Variants in PHYKPL observed in about 807,000 individuals in gnomAD.
PHYKPL encodes the protein 5-phosphohydroxy-L-lysine phospho-lyase.
In PHYKPL, 42 loss-of-function variants were observed where a neutral mutation model predicts 51.3. The ratio of observed to expected loss-of-function variants is 0.82; its 90% CI spans 0.64 to 1.06. The LOEUF is 1.06. Ranked by LOEUF, PHYKPL falls within the 50% of genes least tolerant of loss-of-function variation. PHYKPL has a pLI of 0.00. For missense variants in PHYKPL, 655 were observed against 586.6 expected (o/e 1.12, Z -1.20); for synonymous variants, 264 against 236.0 (o/e 1.12, Z -1.09).
rs1475169823 is a variant in PHYKPL at position 178,214,897 on chromosome 5, G to C, written c.1083-12C>G. Reference sequence around the variant, plus strand: ...AGAGCCCAACACCCCTGCAAGGGAAGGTGACGACATCTCAGGAGGCCAGGC... The same window carrying C: ...AGAGCCCAACACCCCTGCAAGGGAACGTGACGACATCTCAGGAGGCCAGGC... On this transcript the variant is annotated splice_polypyrimidine_tract_variant and intron_variant, in intron 9 of 12. Coordinates refer to ENST00000308158, the MANE Select transcript of PHYKPL (RefSeq NM_153373.4). The C allele has an allele frequency of 6.2e-7, 1 of 1,612,666 alleles. No homozygotes were observed. The highest frequency in any genetic ancestry group is 8.5e-7 in the Non-Finnish European group (1 of 1,179,726).
At chr5:178,228,860 C>G (rs1414731567) in intron 3 of PHYKPL, among the ~76,000 whole-genome samples, 1 of 152,186 alleles carries the variant, frequency 6.6e-6, no homozygotes, top group Non-Finnish European at 1.5e-5. Flanking sequence ...GACATCGTTT[C>G]CTGATTAAAG....
At chr5:178,208,104 G>T (rs1332013654), downstream of PHYKPL, among the ~76,000 whole-genome samples, 1 of 152,210 alleles carries the variant, frequency 6.6e-6, no homozygotes, top group African/African-American at 2.4e-5. Flanking sequence ...GTGCAGGGAG[G>T]TGTAGCTCTT....
chr5:178,211,611 T>C (rs1243423233), intron 12 of PHYKPL: 7 of 364,732 alleles, frequency 1.9e-5, no homozygotes, highest in Non-Finnish European at 3.5e-5. Context: ...GTCTGGTATT[T>C]AGGGCATAAG....
In PHYKPL at chr5:178,213,118, C is replaced by A; in HGVS notation, c.1173-15G>T. The A allele has an allele frequency of 1.9e-6, 3 of 1,613,190 alleles. No homozygotes were observed. Among genetic ancestry groups the A allele is most frequent in the Non-Finnish European group, 2.5e-6 (3 of 1,179,504 alleles). The stretch of plus-strand genomic sequence containing the variant: ...TCTCCTTCAGCCTGTGAGGACAGGA[C>A]ACCCCTTCACATGGCCTTCAAGGCC... On this transcript the variant is annotated splice_polypyrimidine_tract_variant and intron_variant, in intron 10 of 12. Transcript: ENST00000308158.
At chr5:178,220,194 CAAAA>C (rs34898072) in intron 8 of PHYKPL, among the ~76,000 whole-genome samples, 10 of 95,626 alleles carry the variant, frequency 1.0e-4, no homozygotes, top group African/African-American at 1.3e-4. Context: ...GACCCCGTTT[CAAAA>C]AAAAAAAAAA....
At position 178,232,549 on chromosome 5, in the gene PHYKPL, ATGG is replaced by A. The variant is rs1490522838; in HGVS notation, c.-2_1del. The A allele has an allele frequency of 2.6e-6, 3 of 1,148,946 alleles. No homozygotes were observed. Among genetic ancestry groups the A allele is most frequent in the Non-Finnish European group, 3.2e-6 (3 of 934,802 alleles). 71.2% of individuals were successfully genotyped at this position (1,148,946 alleles called of 1,614,324 possible). A position where few individuals can be genotyped will look rare whatever the true frequency, so the allele number is the denominator to read the frequency against. On this transcript the variant is annotated start_lost and start_retained_variant and 5_prime_UTR_variant, in exon 1 of 13. Transcript: ENST00000308158. ...GGCCTTCGGGCGCTGGTCTGCGGCCATGGTGGGTGGCCGTCAGTCGGTGCCGTG... is the reference window on the plus strand; with the variant it reads ...GGCCTTCGGGCGCTGGTCTGCGGCCATGGGTGGCCGTCAGTCGGTGCCGTG...
chr5:178,223,106 C>T (rs749014847), intron 6 of PHYKPL, among the ~76,000 whole-genome samples, 172 bp from the exon 7 acceptor site: 14 of 152,178 alleles, frequency 9.2e-5, no homozygotes, highest in Admixed American at 2.6e-4. Context: ...TCTCTCAGGC[C>T]TCCAGCCAAC....
chr5:178,229,114 T>C (rs1241131516), intron 3 of PHYKPL, among the ~76,000 whole-genome samples: 1 of 150,970 alleles, frequency 6.6e-6, no homozygotes, highest in African/African-American at 2.4e-5. Context: ...TTTTTTTTTT[T>C]TTTTTTTTTT....
At chr5:178,231,243 T>C (rs1763336697) in intron 2 of PHYKPL, among the ~76,000 whole-genome samples, 162 bp downstream of exon 2, 1 of 152,182 alleles carries the variant, frequency 6.6e-6, no homozygotes, top group African/African-American at 2.4e-5. Flanking sequence ...GATTGCAGAA[T>C]TCCACAGCTA....
intron 3 of PHYKPL, chr5:178,228,405 T>C (rs1762702821): frequency 1.3e-5 from 8 of 630,460 alleles, no homozygotes; most frequent in Middle Eastern, 3.2e-4. Context: ...AGCAAAGAGA[T>C]TGCTTTGGAT....
At chr5:178,218,253 A>C (rs1561703258) in intron 8 of PHYKPL, among the ~76,000 whole-genome samples, 1 of 151,530 alleles carries the variant, frequency 6.6e-6, no homozygotes, top group Admixed American at 6.6e-5. Context: ...GAAAAGAAAA[A>C]CAGTCATATA....
At chr5:178,222,623 G>A in intron 7 of PHYKPL, 43 bp from the exon 8 acceptor site, 1 of 1,600,116 alleles carries the variant, frequency 6.2e-7, no homozygotes. Context: ...GTGGTTGAGA[G>A]GGATAAGATC....
Position 178,230,094 on chromosome 5 carries a change from G to C in PHYKPL, c.184C>G (p.His62Asp), listed in dbSNP as rs1247137597. 1.9e-5 allele frequency: 31 copies of C among 1,613,786 alleles called. No individual in the cohort carries two copies. The highest frequency in any genetic ancestry group is 2.6e-5 in the Non-Finnish European group (31 of 1,180,014). Residue 62 changes from histidine to aspartate, a missense_variant, in exon 3 of 13, where the codon CAC (histidine) becomes GAC (aspartate). Physicochemically the swap from His to Asp is moderately conservative, Grantham distance 81 (BLOSUM62 -1). Transcript: ENST00000308158. ...GCTTGGACCACGAGAGGGTGGCAGTGCCCAACTGGAAGAGGGCCGCCTCCG... is the reference window on the plus strand; with the variant it reads ...GCTTGGACCACGAGAGGGTGGCAGTCCCCAACTGGAAGAGGGCCGCCTCCG... ...DCISNVAHVG[H>D]CHPLVVQAAH... is the part of the protein sequence containing the mutation.
chr5:178,225,420 G>C lies in PHYKPL; in HGVS notation c.348C>G (p.Ala116=). 1 of 1,614,186 alleles carries C rather than the reference G, an allele frequency of 6.2e-7. No individual in the cohort carries two copies. The highest frequency in any genetic ancestry group is 8.5e-7 in the Non-Finnish European group (1 of 1,180,040). ...VFYFLNSGSE[A]NDLALRLARH... is the part of the protein sequence containing the mutation. The stretch of plus-strand genomic sequence containing the variant: ...GAGCCAGCCTCAGGGCCAGGTCATT[G>C]GCTTCTGACCTATGACCGAAAAGGT... Residue 116 remains alanine, a synonymous_variant, in exon 4 of 13, where the codon GCC becomes GCG. Transcript: ENST00000308158.
intron 12 of PHYKPL, chr5:178,210,180 G>A (rs768470923): frequency 6.2e-7 from 1 of 1,613,736 alleles, no homozygotes; most frequent in East Asian, 2.2e-5. Flanking sequence ...TGGAACCAGG[G>A]CTACGGCTAC....
chr5:178,214,024 G>C (rs781112880), intron 10 of PHYKPL, among the ~76,000 whole-genome samples: 6 of 152,182 alleles, frequency 3.9e-5, no homozygotes, highest in South Asian at 4.1e-4. Context: ...TCCTGGGAGG[G>C]GGGTAGGAGT....
chr5:178,215,016 A>T, intron 9 of PHYKPL, 131 bp from the exon 10 acceptor site: 6 of 880,580 alleles, frequency 6.8e-6, no homozygotes, highest in Non-Finnish European at 1.0e-5. Context: ...AGGTGGTGAG[A>T]ATAGTTTCAG....
intron 6 of PHYKPL, 100 bp downstream of exon 6, chr5:178,224,348 T>G: frequency 4.8e-6 from 6 of 1,262,440 alleles, no homozygotes; most frequent in East Asian, 2.5e-5. Context: ...CAGGGCCTCG[T>G]TTGGTTTTCT....
At chr5:178,207,173 A>C (rs1467459335), downstream of PHYKPL, 4 of 1,614,180 alleles carry the variant, frequency 2.5e-6, no homozygotes, top group South Asian at 1.1e-5. Context: ...AAAGAAGAAG[A>C]ACCCGTGAAG....
Sources: gnomAD v4.1 joint callset for allele counts (sites outside exome capture counted in the v4.1 genomes callset) on GRCh38, gnomAD v4.1.1 for gene constraint, MANE v1.5 for transcripts, NCBI Gene and HGNC (gene_info 2026-07-23, HGNC 2026-07-21) for gene names.